The following KDR variants were observed in gnomAD, a reference collection of about 807,000 sequenced individuals.
The protein encoded by KDR is vascular endothelial growth factor receptor 2.
A neutral mutation model predicts 160.9 loss-of-function variants in KDR; 43 were observed. That is an observed-to-expected ratio of 0.27 (90% CI 0.21 to 0.34). The LOEUF (loss-of-function observed/expected upper bound fraction) is 0.34, where lower values mean the gene tolerates loss of function less well. Ranked by LOEUF, KDR falls within the 10% of genes least tolerant of loss-of-function variation. The pLI is 1.00. For synonymous variants in KDR, 617 were observed against 600.1 expected (o/e 1.03, Z -0.41); for missense variants, 1,469 against 1,666.4 (o/e 0.88, Z 2.06).
Position 55,079,044 on chromosome 4 carries a change from C to G in KDR, c.*897G>C, listed in dbSNP as rs1485040712. 1 of 233,194 alleles carries G rather than the reference C, an allele frequency of 4.3e-6. No individual in the cohort carries two copies. The highest frequency in any genetic ancestry group is 8.5e-6 in the Non-Finnish European group (1 of 118,084). 14.4% of individuals were successfully genotyped at this position (233,194 alleles called of 1,614,324 possible). A position where few individuals can be genotyped will look rare whatever the true frequency, so the allele number is the denominator to read the frequency against. On this transcript the variant is annotated 3_prime_UTR_variant, in exon 30 of 30. Coordinates refer to ENST00000263923, the MANE Select transcript of KDR (RefSeq NM_002253.4). ...CAGTCTCAGACATATCACATCAGGA[C>G]AGATATGAGGGTATTCATTCCAGAA...
chr4:55,099,681 C>T (rs758708122), intron 15 of KDR, among the ~76,000 whole-genome samples: 1 of 152,118 alleles, frequency 6.6e-6, no homozygotes, highest in Non-Finnish European at 1.5e-5. Flanking sequence ...TTTAAATATG[C>T]CATTCCACTT....
intron 19 of KDR, among the ~76,000 whole-genome samples, 172 bp from the exon 20 acceptor site, chr4:55,095,837 T>C (rs1296572726): frequency 1.3e-5 from 2 of 152,218 alleles, no homozygotes; most frequent in African/African-American, 4.8e-5. Context: ...CTTTTCTTTT[T>C]TCCAGAACAC....
chr4:55,089,750 T>A lies in KDR; in HGVS notation c.3245A>T (p.Tyr1082Phe). 6.2e-7 allele frequency: 1 copy of A among 1,614,152 alleles called. No individual in the cohort carries two copies. The highest frequency in any genetic ancestry group is 8.5e-7 in the Non-Finnish European group (1 of 1,180,010). Reference protein sequence around the residue: ...MAPETIFDRVYTIQSDVWSFG... With the variant: ...MAPETIFDRVFTIQSDVWSFG... ...AGACCAGACGTCACTCTGGATTGTG[T>A]ACACTCTGTCAAAAATTGTTTCTGG... Residue 1082 changes from tyrosine to phenylalanine, a missense_variant, in exon 24 of 30, where the codon TAC (tyrosine) becomes TTC (phenylalanine). Tyr to Phe is a conservative substitution (Grantham distance 22). Coordinates refer to ENST00000263923, the MANE Select transcript of KDR (RefSeq NM_002253.4).
At chr4:55,117,103 C>A (rs907748670) in intron 3 of KDR, among the ~76,000 whole-genome samples, 14 of 152,136 alleles carry the variant, frequency 9.2e-5, no homozygotes, top group African/African-American at 2.9e-4. Context: ...CCTTTGGAAG[C>A]TAAATTAACC....
chr4:55,121,618 A>C (rs1578141512), intron 1 of KDR, among the ~76,000 whole-genome samples: 1 of 152,234 alleles, frequency 6.6e-6, no homozygotes, highest in East Asian at 1.9e-4. Context: ...ACGGATTTTT[A>C]TATAGTTCAT....
In KDR at chr4:55,102,038, GA is replaced by G. The variant is rs768405608; in HGVS notation, c.2135-11del. 2 of 1,613,378 alleles carry G rather than the reference GA, an allele frequency of 1.2e-6. No homozygotes were observed. The highest frequency in any genetic ancestry group is 3.3e-5 in the Admixed American group (2 of 59,958). The stretch of plus-strand genomic sequence containing the variant: ...TCCTTCAATACAATGCCTAACAGAG[GA>G]AGAAAACGATCATTCTCATTTATGA... On this transcript the variant is annotated splice_polypyrimidine_tract_variant and intron_variant, in intron 14 of 29. Coordinates refer to ENST00000263923, the MANE Select transcript of KDR (RefSeq NM_002253.4).
At chr4:55,111,297 C>T (rs1379123129) in intron 7 of KDR, among the ~76,000 whole-genome samples, 2 of 152,222 alleles carry the variant, frequency 1.3e-5, no homozygotes, top group African/African-American at 4.8e-5. Flanking sequence ...GTTTAACAGG[C>T]ATCTCCAGAT....
chr4:55,088,705 T>C (rs1469388252), intron 26 of KDR, among the ~76,000 whole-genome samples, 163 bp downstream of exon 26: 2 of 152,216 alleles, frequency 1.3e-5, no homozygotes, highest in Non-Finnish European at 2.9e-5. Flanking sequence ...AAAAGGGTAA[T>C]TACAGCTTTT....
At chr4:55,096,659 C>G (rs1720164868) in intron 18 of KDR, 1 of 395,636 alleles carries the variant, frequency 2.5e-6, no homozygotes, top group Non-Finnish European at 4.7e-6. Context: ...TGGATTTTTG[C>G]ATTTCAGGTT....
intron 10 of KDR, among the ~76,000 whole-genome samples, chr4:55,107,397 A>G (rs1007521080): frequency 6.6e-6 from 1 of 152,150 alleles, no homozygotes; most frequent in African/African-American, 2.4e-5. Context: ...ATCTTCACAC[A>G]CACAAGAAGG....
At chr4:55,107,712 G>A in intron 10 of KDR, 25 bp downstream of exon 10, 1 of 1,613,634 alleles carries the variant, frequency 6.2e-7, no homozygotes, top group East Asian at 2.2e-5. Context: ...TGGCAGGAAA[G>A]CAAAGAGCAT....
In KDR at chr4:55,110,579, A is replaced by C; in HGVS notation, c.1092-13T>G. 1.2e-6 allele frequency: 2 copies of C among 1,613,704 alleles called. No individual in the cohort carries two copies. Among genetic ancestry groups the C allele is most frequent in the South Asian group, 2.2e-5 (2 of 91,076 alleles). ...TCCATTTTTATACCTATGAAAAAAA[A>C]TTCTCAGGAATTAGTATAGTCAAAG... On this transcript the variant is annotated splice_polypyrimidine_tract_variant and intron_variant, in intron 8 of 29. Coordinates refer to ENST00000263923, the MANE Select transcript of KDR (RefSeq NM_002253.4).
Position 55,092,647 on chromosome 4 carries a change from A to G in KDR, c.3039T>C (p.Ala1013=), listed in dbSNP as rs1305887197. The change falls in exon 22 of 30, where the codon GCT becomes GCC. Residue 1013 remains alanine (A), a synonymous_variant. Transcript: ENST00000263923. ...GCGATGCCAAGAACTCCATGCCCTT[A>G]GCCACTTGGAAGCTGTAACAGATGA... ...EHLICYSFQV[A]KGMEFLASRK... 6.2e-7 allele frequency: 1 copy of G among 1,613,878 alleles called. No individual in the cohort carries two copies. The highest frequency in any genetic ancestry group is 1.1e-5 in the South Asian group (1 of 91,074).
rs1578123447 is a variant in KDR at position 55,078,939 on chromosome 4, G to A, written c.*1002C>T. On this transcript the variant is annotated 3_prime_UTR_variant, in exon 30 of 30. Transcript: ENST00000263923. ...GGTTGCGGGGTGAGAGTGGGTTGGG[G>A]ACAGGGGGAAGAACAAAAGGGTAAA... The A allele has an allele frequency of 4.3e-6, 1 of 233,250 alleles. No homozygotes were observed. The highest frequency in any genetic ancestry group is 5.6e-5 in the Admixed American group (1 of 17,794). The allele number at this position is 233,250 out of a possible 1,614,324, so 14.4% of individuals were successfully genotyped here.
rs1304721527 is a variant in KDR at position 55,094,744 on chromosome 4, T to A, written c.2971+58A>T. 1.1e-5 allele frequency: 16 copies of A among 1,512,542 alleles called. No homozygotes were observed. The Admixed American group carries it at 2.5e-4, about 24-fold the overall frequency. The allele number at this position is 1,512,542 out of a possible 1,614,324, so 93.7% of individuals were successfully genotyped here. A position where few individuals can be genotyped will look rare whatever the true frequency, so the allele number is the denominator to read the frequency against. Reference sequence around the variant, plus strand: ...TGATCAAATTCCTTGTAACACCCTATCACCCTGTCTGCTCTGACAAGAGCA... The same window carrying A: ...TGATCAAATTCCTTGTAACACCCTAACACCCTGTCTGCTCTGACAAGAGCA... On this transcript the variant is annotated intron_variant, in intron 21 of 29. Coordinates refer to ENST00000263923, the MANE Select transcript of KDR (RefSeq NM_002253.4).
At chr4:55,098,398 A>G (rs3816584) in intron 16 of KDR, 126 bp from the exon 17 acceptor site, 278,741 of 1,176,830 alleles carry the variant, frequency 0.24, 34,971 homozygotes, top group East Asian at 0.43. Flanking sequence ...ATGGAGTTTG[A>G]GAGTGGTCCT....
chr4:55,109,236 C>T (rs1270779338), intron 9 of KDR, among the ~76,000 whole-genome samples: 1 of 152,104 alleles, frequency 6.6e-6, no homozygotes, highest in African/African-American at 2.4e-5. Context: ...GTGCCCACCA[C>T]CATGCCTGGC....
At chr4:55,107,654 C>A in intron 10 of KDR, 83 bp downstream of exon 10, 1 of 1,580,860 alleles carries the variant, frequency 6.3e-7, no homozygotes, top group South Asian at 1.1e-5. Flanking sequence ...TTAGGCTTCT[C>A]CATTTAGGAT....
At chr4:55,102,312 A>T in intron 14 of KDR, 50 bp downstream of exon 14, 1 of 1,583,950 alleles carries the variant, frequency 6.3e-7, no homozygotes, top group Non-Finnish European at 8.7e-7. Context: ...TTTAGATAAC[A>T]TCCCTGGGAA....
Sources: gnomAD v4.1 joint callset for allele counts (sites outside exome capture counted in the v4.1 genomes callset) on GRCh38, gnomAD v4.1.1 for gene constraint, MANE v1.5 for transcripts, NCBI Gene and HGNC (gene_info 2026-07-23, HGNC 2026-07-21) for gene names.